The following WDR19 variants were observed in gnomAD, a reference collection of about 807,000 sequenced individuals.
WDR19 encodes the protein WD repeat-containing protein 19.
WDR19 carries 121 observed loss-of-function variants against 180.0 expected under a neutral mutation model. The ratio of observed to expected loss-of-function variants is 0.67; its 90% CI spans 0.58 to 0.78. The LOEUF (loss-of-function observed/expected upper bound fraction) is 0.78, where lower values mean the gene tolerates loss of function less well. WDR19 is among the 30% of genes least tolerant of loss of function. The pLI is 0.00. For missense variants in WDR19, 1,450 were observed against 1,640.7 expected (o/e 0.88, Z 2.01); for synonymous variants, 497 against 540.7 (o/e 0.92, Z 1.12).
chr4:39,273,567 A>ACCAC (rs1202231231), intron 32 of WDR19: 1 of 153,106 alleles, frequency 6.5e-6, no homozygotes, highest in African/African-American at 2.4e-5. Context: ...TTCGGCATAA[A>ACCAC]CCACGTTGTT....
intron 24 of WDR19, among the ~76,000 whole-genome samples, chr4:39,252,427 G>A (rs926149683): frequency 6.6e-6 from 1 of 151,204 alleles, no homozygotes; most frequent in Non-Finnish European, 1.5e-5. Context: ...GTTAATGGGT[G>A]CAGCACACCA....
chr4:39,245,437 A>G lies in WDR19; in HGVS notation c.2714A>G (p.Lys905Arg). The change falls in exon 24 of 37, where the codon AAG becomes AGG. Residue 905 changes from lysine to arginine, a missense_variant. By Grantham distance (26) the Lys-to-Arg change is conservative (BLOSUM62 2). Coordinates refer to ENST00000399820, the MANE Select transcript of WDR19 (RefSeq NM_025132.4). ...ATCCATTTGCAGTATGCCAAAGCCA[A>G]GGAAGCAGATGGAAGGTTTGTACAC... is the stretch of plus-strand genomic sequence containing the variant. Reference protein sequence around the residue: ...PKIHLQYAKAKEADGRYKEAV... With the variant: ...PKIHLQYAKAREADGRYKEAV... 1 of 1,613,766 alleles carries G rather than the reference A, an allele frequency of 6.2e-7. No homozygotes were observed. The highest frequency in any genetic ancestry group is 1.1e-5 in the South Asian group (1 of 90,972).
chr4:39,218,246 A>G, intron 14 of WDR19, 141 bp downstream of exon 14: 2 of 1,068,536 alleles, frequency 1.9e-6, no homozygotes, highest in Non-Finnish European at 1.3e-6. Flanking sequence ...TTAATTATAT[A>G]CATTCATGTG....
rs773526685 is a variant in WDR19, at chr4:39,189,721, G to C, written c.230G>C (p.Ser77Thr). Reference protein sequence around the residue: ...DVLAVIAEKSSCIYLWDANTN... With the variant: ...DVLAVIAEKSTCIYLWDANTN... ...CTAGCAGTGATTGCTGAGAAATCTA[G>C]CTGCATTTATCTTTGGGATGCCAAC... The change falls in exon 4 of 37, where the codon AGC becomes ACC. Residue 77 changes from serine (S) to threonine (T), a missense_variant. Physicochemically the swap from Ser to Thr is moderately conservative, Grantham distance 58. Coordinates refer to ENST00000399820, the MANE Select transcript of WDR19 (RefSeq NM_025132.4). 1.9e-6 allele frequency: 3 copies of C among 1,611,902 alleles called. No homozygotes were observed. Among genetic ancestry groups the C allele is most frequent in the Non-Finnish European group, 8.5e-7 (1 of 1,179,222 alleles).
chr4:39,257,964 C>A (rs1017315343), intron 28 of WDR19, among the ~76,000 whole-genome samples: 1 of 151,896 alleles, frequency 6.6e-6, no homozygotes, highest in Non-Finnish European at 1.5e-5. Context: ...CCAAAAGTCT[C>A]CACATGTCAC....
At chr4:39,225,740 C>T (rs926624752) in intron 15 of WDR19, among the ~76,000 whole-genome samples, 10 of 152,256 alleles carry the variant, frequency 6.6e-5, no homozygotes, top group African/African-American at 9.6e-5. Flanking sequence ...GCCTGCTCCT[C>T]ACTGCTACAC....
chr4:39,234,933 T>A (rs1195430379), intron 20 of WDR19, 58 bp downstream of exon 20: 1 of 1,051,788 alleles, frequency 9.5e-7, no homozygotes, highest in Non-Finnish European at 1.4e-6. Flanking sequence ...ATATCTTCAG[T>A]TCGAAACTTC....
At chr4:39,269,032 G>A (rs1477526821) in intron 30 of WDR19, among the ~76,000 whole-genome samples, 2 of 152,080 alleles carry the variant, frequency 1.3e-5, no homozygotes, top group African/African-American at 4.8e-5. Context: ...GAGGTTGCTG[G>A]GAGCCAGAGT....
intron 36 of WDR19, 104 bp downstream of exon 36, chr4:39,278,767 A>C: frequency 1.8e-6 from 1 of 566,214 alleles, no homozygotes; most frequent in African/African-American, 1.9e-5. Flanking sequence ...GCACCATGGA[A>C]CTTGCCAGAT....
At position 39,285,587 on chromosome 4, in the gene WDR19, C is replaced by A. The variant is rs1187795748; in HGVS notation, c.*114C>A. ...TTCTGGATACAGAGAAATGAAACAA[C>A]GGTGACCTCTCCAGGTCGGCACTTT... is the stretch of plus-strand genomic sequence containing the variant. On this transcript the variant is annotated 3_prime_UTR_variant, in exon 37 of 37. Transcript: ENST00000399820. The A allele has an allele frequency of 6.6e-6, 1 of 152,202 alleles. No homozygotes were observed. The highest frequency in any genetic ancestry group is 1.5e-5 in the Non-Finnish European group (1 of 68,036). 9.4% of individuals were successfully genotyped at this position (152,202 alleles called of 1,614,324 possible). A position where few individuals can be genotyped will look rare whatever the true frequency, so the allele number is the denominator to read the frequency against.
At chr4:39,273,182 T>C (rs921742238) in intron 32 of WDR19, 121 bp downstream of exon 32, 1 of 724,790 alleles carries the variant, frequency 1.4e-6, no homozygotes, top group Non-Finnish European at 2.2e-6. Context: ...AGCAGCTCCA[T>C]GAAGTGGTAT....
chr4:39,186,035 A>C (rs1400488550), intron 2 of WDR19, among the ~76,000 whole-genome samples: 2 of 152,162 alleles, frequency 1.3e-5, no homozygotes, highest in Non-Finnish European at 2.9e-5. Context: ...TCTAACAGTT[A>C]TATGACAGGA....
intron 34 of WDR19, 51 bp from the exon 35 acceptor site, chr4:39,278,080 G>T (rs1736083784): frequency 6.8e-7 from 1 of 1,461,004 alleles, no homozygotes; most frequent in African/African-American, 1.4e-5. Flanking sequence ...GACTAACAGT[G>T]GGAGTTTTTA....
chr4:39,214,558 A>G (rs1389261218), intron 9 of WDR19, 43 bp from the exon 10 acceptor site: 5 of 1,175,182 alleles, frequency 4.3e-6, no homozygotes, highest in Non-Finnish European at 6.1e-6. Context: ...AGTTTTATAT[A>G]AAGATCATAT....
chr4:39,202,892 A>C (rs1015247950), intron 6 of WDR19, among the ~76,000 whole-genome samples: 13 of 151,732 alleles, frequency 8.6e-5, no homozygotes, highest in African/African-American at 3.1e-4. Context: ...TCTTTAGCAA[A>C]GTTTATGTGT....
At chr4:39,205,427 A>G (rs901480640) in intron 8 of WDR19, 136 bp from the exon 9 acceptor site, 3 of 1,190,818 alleles carry the variant, frequency 2.5e-6, no homozygotes, top group East Asian at 2.6e-5. Context: ...ACTACCTAGT[A>G]TATTATCTGA....
At chr4:39,233,135 C>T (rs551931944) in intron 19 of WDR19, among the ~76,000 whole-genome samples, 1 of 152,124 alleles carries the variant, frequency 6.6e-6, no homozygotes, top group Admixed American at 6.5e-5. Context: ...ATGGGAAAAC[C>T]GAGGCACATT....
intron 21 of WDR19, among the ~76,000 whole-genome samples, chr4:39,243,116 C>T (rs975261361): frequency 1.5e-4 from 23 of 149,878 alleles, no homozygotes; most frequent in Admixed American, 6.6e-4. Context: ...AAATTAAATT[C>T]ATTTTTTAAA....
At chr4:39,204,312 C>T (rs965307331) in intron 7 of WDR19, among the ~76,000 whole-genome samples, 13 of 151,902 alleles carry the variant, frequency 8.6e-5, no homozygotes, top group Non-Finnish European at 1.5e-4. Context: ...CTCAAACTCC[C>T]GATCTCAGGT....
Sources: gnomAD v4.1 joint callset for allele counts (sites outside exome capture counted in the v4.1 genomes callset) on GRCh38, gnomAD v4.1.1 for gene constraint, MANE v1.5 for transcripts, NCBI Gene and HGNC (gene_info 2026-07-23, HGNC 2026-07-21) for gene names.